ASAP1: variants seen among roughly 807,000 people sequenced by gnomAD.
The protein encoded by ASAP1 is ArfGAP with SH3 domain, ankyrin repeat and PH domain 1.
A neutral mutation model predicts 145.2 loss-of-function variants in ASAP1; 43 were observed. The observed-to-expected ratio is 0.30, with a 90% CI of 0.23 to 0.38. The LOEUF is 0.38. Ranked by LOEUF, ASAP1 falls within the 10% of genes least tolerant of loss-of-function variation. The pLI, the probability that ASAP1 is intolerant of heterozygous loss-of-function variation, is 1.00. For missense variants in ASAP1, 1,018 were observed against 1,355.3 expected, an observed-to-expected ratio of 0.75 and a Z score of 3.91; for synonymous variants, 546 against 515.5, an observed-to-expected ratio of 1.06 and a Z score of -0.80.
At chr8:130,317,060 C>T (rs1823705553) in intron 3 of ASAP1, among the ~76,000 whole-genome samples, 1 of 150,130 alleles carries the variant, frequency 6.7e-6, no homozygotes, top group South Asian at 2.1e-4. Context: ...AGACTCATTC[C>T]TATTTTGCTT....
intron 27 of ASAP1, among the ~76,000 whole-genome samples, chr8:130,072,825 G>GTGTGTGTGTGTGTGCGCGCGCA: frequency 3.5e-4 from 19 of 54,094 alleles, no homozygotes; most frequent in East Asian, 1.6e-3. Context: ...GTGTGTGTGT[G>GTGTGTGTGTGTGTGCGCGCGCA]CGCGCGGGGG....
chr8:130,385,423 G>A (rs1025022981), intron 2 of ASAP1, among the ~76,000 whole-genome samples: 4 of 152,256 alleles, frequency 2.6e-5, no homozygotes, highest in African/African-American at 4.8e-5. Context: ...GAGTTAGGGC[G>A]GGCCTTGTGA....
At chr8:130,286,710 T>A (rs1419670809) in intron 3 of ASAP1, among the ~76,000 whole-genome samples, 1 of 152,134 alleles carries the variant, frequency 6.6e-6, no homozygotes, top group Admixed American at 6.5e-5. Flanking sequence ...ACACCAGGAC[T>A]GGGGAAAATG....
chr8:130,350,404 G>C (rs72724455), intron 3 of ASAP1, among the ~76,000 whole-genome samples: 5,279 of 152,286 alleles, frequency 0.035, 127 homozygotes, highest in Middle Eastern at 0.065. Context: ...GACTAAACTA[G>C]ATCTGGTGGG....
intron 4 of ASAP1, among the ~76,000 whole-genome samples, chr8:130,227,201 G>GT (rs956154031): frequency 6.6e-6 from 1 of 152,068 alleles, no homozygotes; most frequent in Non-Finnish European, 1.5e-5. Flanking sequence ...TGCTAATGAG[G>GT]TGGTAGCCTA....
intron 15 of ASAP1, among the ~76,000 whole-genome samples, chr8:130,128,520 CA>C (rs1586384846): frequency 1.3e-5 from 2 of 152,022 alleles, no homozygotes; most frequent in Non-Finnish European, 2.9e-5. Flanking sequence ...AGGAGTTTAG[CA>C]AAAGGTATGT....
chr8:130,398,099 T>C (rs1361821149), intron 2 of ASAP1, among the ~76,000 whole-genome samples: 3 of 152,238 alleles, frequency 2.0e-5, no homozygotes, highest in African/African-American at 7.2e-5. Context: ...TCACTCATGT[T>C]CCACCACTTT....
chr8:130,130,036 C>G (rs1184799048), intron 15 of ASAP1, among the ~76,000 whole-genome samples: 1 of 152,198 alleles, frequency 6.6e-6, no homozygotes, highest in Non-Finnish European at 1.5e-5. Flanking sequence ...CACTTGACTG[C>G]AAAGCCTCTA....
chr8:130,164,634 T>C (rs906866600), intron 11 of ASAP1, among the ~76,000 whole-genome samples: 2 of 152,158 alleles, frequency 1.3e-5, no homozygotes, highest in South Asian at 2.1e-4. Context: ...AACAGTTATA[T>C]AGCAAATAGT....
chr8:130,097,938 G>A (rs1426002369), intron 24 of ASAP1, among the ~76,000 whole-genome samples: 3 of 152,124 alleles, frequency 2.0e-5, no homozygotes, highest in Non-Finnish European at 4.4e-5. Flanking sequence ...TACCTAAATA[G>A]ATATAAATAT....
intron 3 of ASAP1, among the ~76,000 whole-genome samples, chr8:130,307,781 G>C (rs2074648147): frequency 6.6e-6 from 1 of 152,160 alleles, no homozygotes; most frequent in South Asian, 2.1e-4. Flanking sequence ...CAAAACACTA[G>C]TCCAAAGTCA....
At chr8:130,257,788 C>CT (rs35055966) in intron 3 of ASAP1, among the ~76,000 whole-genome samples, 4 of 72,980 alleles carry the variant, frequency 5.5e-5, no homozygotes, top group African/African-American at 1.6e-4. Flanking sequence ...TCAAGAGCAC[C>CT]CCCCCCCCAT....
chr8:130,116,596 T>A, intron 22 of ASAP1, 82 bp downstream of exon 22: 1 of 1,237,580 alleles, frequency 8.1e-7, no homozygotes, highest in Non-Finnish European at 1.2e-6. Context: ...TCTGCATTTT[T>A]AATATTCAAT....
chr8:130,259,589 T>G (rs1188904513), intron 3 of ASAP1, among the ~76,000 whole-genome samples: 1 of 152,190 alleles, frequency 6.6e-6, no homozygotes, highest in East Asian at 1.9e-4. Context: ...CAAGTAAAAT[T>G]GGCATAAATT....
At chr8:130,137,186 G>T in intron 13 of ASAP1, 148 bp from the exon 14 acceptor site, 1 of 695,004 alleles carries the variant, frequency 1.4e-6, no homozygotes, top group Non-Finnish European at 2.5e-6. Flanking sequence ...AGACATCTGA[G>T]CATTGTTCCA....
chr8:130,251,088 A>C lies in ASAP1; in HGVS notation c.187-14094T>G, dbSNP rs958429756. Among the ~76,000 whole-genome samples the C allele has an allele frequency of 2.6e-5, 4 of 152,306 alleles. No homozygotes were observed. In the East Asian group the frequency reaches 7.7e-4, roughly 29 times the overall value. ...GTTTTTATTTTTGCACACCTGCAGAACAATGTTTTTTGGAACACCAATATA... is the reference window on the plus strand; with the variant it reads ...GTTTTTATTTTTGCACACCTGCAGACCAATGTTTTTTGGAACACCAATATA... On this transcript the variant is annotated intron_variant, in intron 3 of 29. Coordinates refer to ENST00000518721, the MANE Select transcript of ASAP1 (RefSeq NM_018482.4).
In ASAP1 at chr8:130,054,760, C is replaced by A. The variant is rs768155236; in HGVS notation, c.3361G>T (p.Val1121Leu). 3 of 1,613,738 alleles carry A rather than the reference C, an allele frequency of 1.9e-6. No individual in the cohort carries two copies. In the Admixed American group the frequency reaches 5.0e-5, roughly 27 times the overall value. Residue 1121 changes from valine to leucine, a missense_variant, in exon 30 of 30, where the codon GTG becomes TTG. Around this residue, in one of 9 missense-constraint regions of ASAP1, gnomAD observed 62 missense variants for 97.8 expected, o/e 0.63. Transcript: ENST00000518721. ...GQPERKGVFP[V>L]SFVHILSD is the part of the protein sequence containing the mutation. The stretch of plus-strand genomic sequence containing the variant: ...TCAGACAGGATATGAACAAAGGACA[C>A]TGGAAAGACCCCCTTCCTTTCAGGC...
At chr8:130,216,000 G>GAAAGGAAAGGAA (rs1816895039) in intron 4 of ASAP1, among the ~76,000 whole-genome samples, 1 of 118,820 alleles carries the variant, frequency 8.4e-6, no homozygotes, top group African/African-American at 3.4e-5. Context: ...GAAAGGAAAG[G>GAAAGGAAAGGAA]AAAGGAAAGG....
chr8:130,219,298 G>C (rs532158028), intron 4 of ASAP1, among the ~76,000 whole-genome samples: 1 of 147,886 alleles, frequency 6.8e-6, no homozygotes, highest in East Asian at 2.0e-4. Context: ...ACAAAATTAA[G>C]GGTTTACCCA....
Sources: gnomAD v4.1 joint callset for allele counts (sites outside exome capture counted in the v4.1 genomes callset) on GRCh38, gnomAD v4.1.1 for gene constraint, gnomAD v4.1.1 regional missense constraint, MANE v1.5 for transcripts, NCBI Gene and HGNC (gene_info 2026-07-23, HGNC 2026-07-21) for gene names.